Variants in CSMD2 observed in about 807,000 individuals in gnomAD.
CSMD2 encodes the protein CUB and sushi domain-containing protein 2.
CSMD2 carries 130 observed loss-of-function variants against 398.5 expected under a neutral mutation model. The ratio of observed to expected loss-of-function variants is 0.33; its 90% confidence interval spans 0.28 to 0.38. The LOEUF (loss-of-function observed/expected upper bound fraction) is 0.38, where lower values mean the gene tolerates loss of function less well. CSMD2 is among the 10% of genes least tolerant of loss of function. CSMD2 has a pLI of 1.00. For synonymous variants in CSMD2, 1,828 were observed against 1,908.5 expected, an observed-to-expected ratio of 0.96 and a Z score of 1.10; for missense variants, 3,829 against 4,764.9, an observed-to-expected ratio of 0.80 and a Z score of 5.78.
intron 32 of CSMD2, among the ~76,000 whole-genome samples, chr1:33,632,451 C>T (rs758018242): frequency 1.3e-5 from 2 of 152,000 alleles, no homozygotes; most frequent in Non-Finnish European, 2.9e-5. Context: ...GAAAAATCGA[C>T]ACAAATTCAC....
intron 48 of CSMD2, among the ~76,000 whole-genome samples, chr1:33,579,772 A>G (rs774992110): frequency 3.3e-5 from 5 of 150,978 alleles, no homozygotes; most frequent in African/African-American, 7.3e-5. Context: ...TCCACCTCCC[A>G]GGTTCAAGTG....
Position 34,160,352 on chromosome 1 carries a change from G to C in CSMD2, c.187+4559C>G, listed in dbSNP as rs1557452683. On this transcript the variant is annotated intron_variant, in intron 1 of 70. Coordinates refer to ENST00000373381, the MANE Select transcript of CSMD2 (RefSeq NM_001281956.2). ...CAAATTCATACACACACTGGTGACT[G>C]AGTAGTGAAACGCCTTTCCTTGGCT... 2.6e-5 allele frequency among the ~76,000 whole-genome samples: 4 copies of C among 152,348 alleles called. No individual in the cohort carries two copies. The East Asian group carries it at 5.8e-4, about 22-fold the overall frequency.
intron 4 of CSMD2, among the ~76,000 whole-genome samples, chr1:33,935,016 A>G (rs905073183): frequency 4.0e-5 from 6 of 150,038 alleles, no homozygotes; most frequent in Non-Finnish European, 5.9e-5. Flanking sequence ...ATAAAATTAA[A>G]AAAAAAAAAA....
chr1:34,113,569 G>A (rs1382752463), intron 1 of CSMD2, among the ~76,000 whole-genome samples: 1 of 152,118 alleles, frequency 6.6e-6, no homozygotes, highest in African/African-American at 2.4e-5. Flanking sequence ...GGCCCTTACA[G>A]TCCTGTGGCT....
At chr1:33,942,193 C>G (rs560994028) in intron 3 of CSMD2, among the ~76,000 whole-genome samples, 8 of 152,314 alleles carry the variant, frequency 5.3e-5, no homozygotes, top group African/African-American at 1.9e-4. Flanking sequence ...TCCAAGGCCA[C>G]GTAGCTCACT....
At chr1:33,673,055 C>T (rs1156634930) in intron 25 of CSMD2, among the ~76,000 whole-genome samples, 3 of 152,238 alleles carry the variant, frequency 2.0e-5, no homozygotes, top group South Asian at 2.1e-4. Flanking sequence ...ATCAGAGTGC[C>T]TCTCCTCCTC....
intron 36 of CSMD2, among the ~76,000 whole-genome samples, chr1:33,622,885 G>A (rs1641864153): frequency 6.6e-6 from 1 of 152,232 alleles, no homozygotes. Flanking sequence ...TTGTGCATGA[G>A]CATTATTCAT....
chr1:33,799,101 T>C (rs552955851), intron 10 of CSMD2, among the ~76,000 whole-genome samples: 1 of 152,318 alleles, frequency 6.6e-6, no homozygotes, highest in South Asian at 2.1e-4. Flanking sequence ...ACAGCAGGGG[T>C]TGGAAAACTA....
chr1:33,752,097 C>CTAAATG (rs1648330405), intron 13 of CSMD2, among the ~76,000 whole-genome samples: 1 of 152,140 alleles, frequency 6.6e-6, no homozygotes, highest in Non-Finnish European at 1.5e-5. Flanking sequence ...GAATTTATAG[C>CTAAATG]TAAATGTATT....
chr1:33,629,891 C>T (rs1250892556), intron 32 of CSMD2, among the ~76,000 whole-genome samples: 2 of 152,020 alleles, frequency 1.3e-5, no homozygotes, highest in Non-Finnish European at 2.9e-5. Context: ...TACAGGCACC[C>T]ACGACCATGC....
intron 1 of CSMD2, among the ~76,000 whole-genome samples, chr1:34,125,887 G>C (rs921938539): frequency 6.6e-6 from 1 of 152,278 alleles, no homozygotes; most frequent in East Asian, 1.9e-4. Context: ...GCCCCGGGAG[G>C]GCTTTTGAGG....
intron 37 of CSMD2, among the ~76,000 whole-genome samples, chr1:33,620,806 C>CTTTT (rs34986869): frequency 7.6e-5 from 7 of 91,938 alleles, no homozygotes; most frequent in East Asian, 3.2e-4. Flanking sequence ...TGTCCTGGGT[C>CTTTT]TTTTTTTTTT....
intron 3 of CSMD2, among the ~76,000 whole-genome samples, chr1:34,031,765 C>CAAAAAAAAAAAAAAAAAA (rs556094322): frequency 2.8e-5 from 2 of 71,264 alleles, no homozygotes; most frequent in Admixed American, 1.8e-4. Flanking sequence ...AAGGCAAAGG[C>CAAAAAAAAAAAAAAAAAA]AAAAAAAAAA....
At chr1:34,031,765 C>CAAAAAAA (rs556094322) in intron 3 of CSMD2, among the ~76,000 whole-genome samples, 22 of 71,238 alleles carry the variant, frequency 3.1e-4, no homozygotes, top group African/African-American at 4.4e-4. Flanking sequence ...AAGGCAAAGG[C>CAAAAAAA]AAAAAAAAAA....
At chr1:33,986,514 T>C (rs1646364767) in intron 3 of CSMD2, among the ~76,000 whole-genome samples, 1 of 152,150 alleles carries the variant, frequency 6.6e-6, no homozygotes, top group Non-Finnish European at 1.5e-5. Context: ...GAGCCAGGCA[T>C]CCAGCCTGGG....
intron 1 of CSMD2, among the ~76,000 whole-genome samples, chr1:34,091,334 C>A (rs1323028835): frequency 2.0e-5 from 3 of 152,134 alleles, no homozygotes; most frequent in Non-Finnish European, 4.4e-5. Context: ...CTCCTAAAAA[C>A]TTTACCTATA....
In CSMD2 at chr1:33,739,278, C is replaced by A; in HGVS notation, c.2230G>T (p.Gly744Trp). 6.2e-7 allele frequency: 1 copy of A among 1,614,130 alleles called. No homozygotes were observed. Among genetic ancestry groups the A allele is most frequent in the East Asian group, 2.2e-5 (1 of 44,874 alleles). Residue 744 changes from glycine to tryptophan, a missense_variant, in exon 15 of 71, where the codon GGG (glycine) becomes TGG (tryptophan). Physicochemically the swap from Gly to Trp is radical, Grantham distance 184. Transcript: ENST00000373381. The part of the protein sequence containing the change: ...PGVPVNGKRF[G>W]DSLQLGSSIS... Reference sequence around the variant, plus strand: ...GAGCTGCCCAGCTGGAGGCTGTCCCCAAACCGTTTGCCATTTACTGGAACG... The same window carrying A: ...GAGCTGCCCAGCTGGAGGCTGTCCCAAAACCGTTTGCCATTTACTGGAACG...
chr1:34,010,249 C>T (rs1413985363), intron 3 of CSMD2, among the ~76,000 whole-genome samples: 3 of 152,348 alleles, frequency 2.0e-5, no homozygotes, highest in East Asian at 3.9e-4. Context: ...CTTCTTCATC[C>T]TTCCCTTAGT....
chr1:33,766,796 C>G (rs1437661057), intron 13 of CSMD2, among the ~76,000 whole-genome samples: 5 of 152,208 alleles, frequency 3.3e-5, no homozygotes, highest in Admixed American at 3.3e-4. Flanking sequence ...AAGTTGTTAT[C>G]TTTAGAAAAG....
Sources: allele counts gnomAD v4.1 joint callset (sites outside exome capture counted in the v4.1 genomes callset), GRCh38; gene constraint gnomAD v4.1.1; transcripts MANE v1.5; gene names NCBI Gene and HGNC (gene_info 2026-07-23, HGNC 2026-07-21).